The following TYW1B variants were observed in gnomAD, a reference collection of about 807,000 sequenced individuals.
TYW1B encodes the protein tRNA-yW synthesizing protein 1 homolog B.
TYW1B carries 73 observed loss-of-function variants against 86.9 expected under a neutral mutation model. The observed-to-expected ratio is 0.84, with a 90% CI of 0.70 to 1.02. The LOEUF is 1.02. Ranked by LOEUF, TYW1B falls within the 50% of genes least tolerant of loss-of-function variation. TYW1B has a pLI of 0.00. For synonymous variants in TYW1B, 248 were observed against 292.8 expected, an observed-to-expected ratio of 0.85 and a Z score of 1.56; for missense variants, 637 against 827.4, an observed-to-expected ratio of 0.77 and a Z score of 2.82.
At chr7:72,729,481 C>A (rs1787065550) in intron 8 of TYW1B, among the ~76,000 whole-genome samples, 1 of 152,094 alleles carries the variant, frequency 6.6e-6, no homozygotes, top group African/African-American at 2.4e-5. Flanking sequence ...GCCCCTGTAT[C>A]TCCATATTCC....
At chr7:72,732,910 G>T (rs1787136757) in intron 8 of TYW1B, among the ~76,000 whole-genome samples, 1 of 151,594 alleles carries the variant, frequency 6.6e-6, no homozygotes, top group Non-Finnish European at 1.5e-5. Flanking sequence ...CAAAAAAAGA[G>T]ACATTACTAC....
At chr7:72,733,118 C>G (rs1363092527) in intron 8 of TYW1B, among the ~76,000 whole-genome samples, 15 of 151,746 alleles carry the variant, frequency 9.9e-5, no homozygotes, top group Admixed American at 5.9e-4. Flanking sequence ...AAGAAAAGTA[C>G]ACGGCCAGAT....
At chr7:72,777,724 C>T (rs782705461) in intron 6 of TYW1B, among the ~76,000 whole-genome samples, 191 bp from the exon 7 acceptor site, 5 of 151,840 alleles carry the variant, frequency 3.3e-5, no homozygotes, top group South Asian at 2.1e-4. Context: ...GAGACCAGCC[C>T]GGCCAACATG....
rs1200462370 is a variant in TYW1B, at chr7:72,705,302, G to C, written c.1370+8319C>G. 3.9e-5 allele frequency among the ~76,000 whole-genome samples: 6 copies of C among 152,210 alleles called. No homozygotes were observed. The East Asian group carries it at 1.2e-3, about 29-fold the overall frequency. The stretch of plus-strand genomic sequence containing the variant: ...ATAGAGGTTCTCTAAAAGATGGGGT[G>C]AATGTCTCAGCAAAAACTAGAGAAA... On this transcript the variant is annotated intron_variant, in intron 10 of 13. Transcript: ENST00000620995.
At chr7:72,585,882 A>G (rs1811263114) in intron 13 of TYW1B, among the ~76,000 whole-genome samples, 1 of 152,174 alleles carries the variant, frequency 6.6e-6, no homozygotes, top group South Asian at 2.1e-4. Flanking sequence ...GCACAATTCT[A>G]GATGCTTTTT....
At chr7:72,603,936 T>C (rs1177570465) in intron 13 of TYW1B, among the ~76,000 whole-genome samples, 1 of 151,814 alleles carries the variant, frequency 6.6e-6, no homozygotes, top group Non-Finnish European at 1.5e-5. Context: ...CTAAATGTAA[T>C]GGGATCCTAG....
chr7:72,632,449 A>T (rs187916379), intron 11 of TYW1B, among the ~76,000 whole-genome samples: 1,346 of 92,836 alleles, frequency 0.014, 27 homozygotes, highest in African/African-American at 0.021. Context: ...TATATATATA[A>T]AATATATATA....
chr7:72,724,775 G>A (rs1554458360), intron 9 of TYW1B, among the ~76,000 whole-genome samples: 1 of 152,160 alleles, frequency 6.6e-6, no homozygotes, highest in East Asian at 1.9e-4. Context: ...GGAATTACCA[G>A]GGTAAAATAG....
chr7:72,627,699 G>A (rs2129568675), intron 12 of TYW1B, among the ~76,000 whole-genome samples: 1 of 152,128 alleles, frequency 6.6e-6, no homozygotes, highest in African/African-American at 2.4e-5. Flanking sequence ...CCTGATTGGA[G>A]TATACAGGAC....
rs1409467318 is a variant in TYW1B, at chr7:72,629,768, G to C, written c.1507-771C>G. Among the ~76,000 whole-genome samples, 4 of 151,972 alleles carry C rather than the reference G, an allele frequency of 2.6e-5. No individual in the cohort carries two copies. In the East Asian group the frequency reaches 7.7e-4, roughly 29 times the overall value. On this transcript the variant is annotated intron_variant, in intron 11 of 13. Coordinates refer to ENST00000620995, the MANE Select transcript of TYW1B (RefSeq NM_001145440.3). Reference sequence around the variant, plus strand: ...TTGCTGTGTTATTCAGGCTGGTCTCGAACTCTCGGCCTTAAGTGACCCTCA... The same window carrying C: ...TTGCTGTGTTATTCAGGCTGGTCTCCAACTCTCGGCCTTAAGTGACCCTCA...
At chr7:72,825,126 G>A (rs1216572535) in intron 2 of TYW1B, among the ~76,000 whole-genome samples, 1 of 149,824 alleles carries the variant, frequency 6.7e-6, no homozygotes, top group Non-Finnish European at 1.5e-5. Context: ...AAGCAAAAAG[G>A]AGAAATCAAA....
At chr7:72,602,833 AACACACACACACACAC>A (rs55709140) in intron 13 of TYW1B, among the ~76,000 whole-genome samples, 76 of 128,112 alleles carry the variant, frequency 5.9e-4, no homozygotes, top group Middle Eastern at 7.7e-3. Flanking sequence ...AAGTGCTCAA[AACACACACACACACAC>A]ACACACACAC....
chr7:72,757,386 A>AC (rs1787610926), intron 7 of TYW1B, among the ~76,000 whole-genome samples: 1 of 151,294 alleles, frequency 6.6e-6, no homozygotes, highest in South Asian at 2.1e-4. Context: ...AAAAAAAAAA[A>AC]CCAGAAATGC....
chr7:72,811,705 A>G (rs1251856481), intron 3 of TYW1B, among the ~76,000 whole-genome samples: 1 of 151,818 alleles, frequency 6.6e-6, no homozygotes, highest in East Asian at 1.9e-4. Flanking sequence ...TGAGGTCAGG[A>G]GTTCAAGACC....
chr7:72,827,974 G>T (rs1444056792), intron 1 of TYW1B, 98 bp downstream of exon 1: 3 of 1,583,450 alleles, frequency 1.9e-6, no homozygotes, highest in Non-Finnish European at 8.6e-7. Context: ...AGTCTCCGAA[G>T]GAAGGGGACC....
chr7:72,766,168 A>G (rs1474514435), intron 7 of TYW1B, among the ~76,000 whole-genome samples: 1 of 152,262 alleles, frequency 6.6e-6, no homozygotes, highest in Non-Finnish European at 1.5e-5. Flanking sequence ...TACACAAAAC[A>G]AAACAGCTCA....
chr7:72,737,787 C>CT (rs34001923), intron 8 of TYW1B, among the ~76,000 whole-genome samples: 98,579 of 138,738 alleles, frequency 0.71, 35,099 homozygotes, highest in Middle Eastern at 0.77. Flanking sequence ...CATTTTACTT[C>CT]TTTTTTTTTT....
intron 13 of TYW1B, among the ~76,000 whole-genome samples, 188 bp from the exon 14 acceptor site, chr7:72,575,907 T>G (rs551078855): frequency 1.3e-5 from 2 of 152,350 alleles, no homozygotes; most frequent in Non-Finnish European, 2.9e-5. Context: ...CAAGATGCGC[T>G]ACAATCACAG....
At chr7:72,683,152 C>A (rs1322048342) in intron 11 of TYW1B, among the ~76,000 whole-genome samples, 1 of 152,138 alleles carries the variant, frequency 6.6e-6, no homozygotes, top group Non-Finnish European at 1.5e-5. Context: ...CCAGCGCCGG[C>A]CTTCCATGTA....
Sources: gnomAD v4.1 joint callset for allele counts (sites outside exome capture counted in the v4.1 genomes callset) on GRCh38, gnomAD v4.1.1 for gene constraint, MANE v1.5 for transcripts, NCBI Gene and HGNC (gene_info 2026-07-23, HGNC 2026-07-21) for gene names.